The following GRB14 variants were observed in gnomAD, a reference collection of about 807,000 sequenced individuals.
GRB14 encodes growth factor receptor bound protein 14, also known as growth factor receptor-bound protein 14.
Under a neutral mutation model 69.1 loss-of-function variants are expected in GRB14, and 38 were observed. That is an observed-to-expected ratio of 0.55 (90% CI 0.42 to 0.72). The LOEUF (loss-of-function observed/expected upper bound fraction) is 0.72. Ranked by LOEUF, GRB14 falls within the 30% of genes least tolerant of loss-of-function variation. GRB14 has a pLI of 0.00. For missense variants in GRB14, 666 were observed against 666.1 expected, an observed-to-expected ratio of 1.00 and a Z score of 0.00; for synonymous variants, 247 against 241.3, an observed-to-expected ratio of 1.02 and a Z score of -0.22.
intron 8 of GRB14, among the ~76,000 whole-genome samples, chr2:164,504,979 G>C (rs1174443567): frequency 6.6e-6 from 1 of 152,184 alleles, no homozygotes; most frequent in African/African-American, 2.4e-5. Context: ...CAGACAAGAC[G>C]TCTGGGTGGA....
At chr2:164,551,405 T>C (rs1026171577) in intron 2 of GRB14, among the ~76,000 whole-genome samples, 2 of 152,170 alleles carry the variant, frequency 1.3e-5, no homozygotes, top group African/African-American at 4.8e-5. Flanking sequence ...TAAGTCATAA[T>C]GCAATAGACT....
rs569448161 is a variant in GRB14 at position 164,617,484 on chromosome 2, C to T, written c.324+2203G>A. 1.1e-3 allele frequency among the ~76,000 whole-genome samples: 167 copies of T among 152,160 alleles called. 3 individuals carry two copies. Among genetic ancestry groups the T allele is most frequent in the African/African-American group, 3.8e-3 (158 of 41,496 alleles). On this transcript the variant is annotated intron_variant, in intron 2 of 13. Coordinates refer to ENST00000263915, the MANE Select transcript of GRB14 (RefSeq NM_004490.3). ...GAGGAAATGTCATCAATCTCTAAGA[C>T]GTCTTACTCTAGTCTGATGACTATC...
chr2:164,528,125 T>G (rs1417920226), intron 3 of GRB14, among the ~76,000 whole-genome samples: 2 of 152,006 alleles, frequency 1.3e-5, no homozygotes, highest in African/African-American at 4.8e-5. Context: ...GCAAAATTAA[T>G]CTACAGTGCT....
intron 4 of GRB14, 40 bp downstream of exon 4, chr2:164,526,974 T>A: frequency 6.9e-7 from 1 of 1,445,574 alleles, no homozygotes; most frequent in East Asian, 2.7e-5. Context: ...TTTAACGGGT[T>A]CATTTATTTT....
chr2:164,512,511 T>A (rs1389585342), intron 6 of GRB14, among the ~76,000 whole-genome samples: 1 of 152,160 alleles, frequency 6.6e-6, no homozygotes, highest in Non-Finnish European at 1.5e-5. Context: ...CCAGATGGCA[T>A]CTCTAGACCA....
At chr2:164,550,054 C>T (rs1688496462) in intron 2 of GRB14, among the ~76,000 whole-genome samples, 1 of 151,994 alleles carries the variant, frequency 6.6e-6, no homozygotes, top group South Asian at 2.1e-4. Context: ...AAGATTTCTC[C>T]ATCTCAGGTA....
chr2:164,498,641 G>T (rs997666239), intron 9 of GRB14, among the ~76,000 whole-genome samples: 8 of 152,144 alleles, frequency 5.3e-5, no homozygotes, highest in African/African-American at 1.9e-4. Context: ...CTACTAGCCA[G>T]CCTGCATCTG....
At chr2:164,560,940 T>C (rs1273830447) in intron 2 of GRB14, among the ~76,000 whole-genome samples, 1 of 152,182 alleles carries the variant, frequency 6.6e-6, no homozygotes, top group African/African-American at 2.4e-5. Context: ...TCTAGGGGTT[T>C]AGAATCTGAA....
At position 164,492,892 on chromosome 2, in the gene GRB14, T is replaced by C; in HGVS notation, c.*144A>G. ...AAGTCAATCCAAGTCTTTGCTTATT[T>C]GCAATGCACAAACTATTTTTTTGTA... On this transcript the variant is annotated 3_prime_UTR_variant, in exon 14 of 14. Transcript: ENST00000263915. The C allele has an allele frequency of 1.6e-6, 1 of 620,864 alleles. No individual in the cohort carries two copies. The allele number at this position is 620,864 out of a possible 1,614,324, so 38.5% of individuals were successfully genotyped here. A position where few individuals can be genotyped will look rare whatever the true frequency, so the allele number is the denominator to read the frequency against.
At chr2:164,612,913 A>G (rs939610929) in intron 2 of GRB14, among the ~76,000 whole-genome samples, 2 of 152,228 alleles carry the variant, frequency 1.3e-5, no homozygotes, top group African/African-American at 4.8e-5. Flanking sequence ...AACCTTGACA[A>G]ATAGAAGATC....
chr2:164,611,852 A>C (rs4667763), intron 2 of GRB14, among the ~76,000 whole-genome samples: 117,290 of 151,996 alleles, frequency 0.77, 45,902 homozygotes, highest in Admixed American at 0.82. Context: ...CTATATGGGA[A>C]TACCTGAACA....
chr2:164,600,389 T>C (rs979199736), intron 2 of GRB14, among the ~76,000 whole-genome samples: 3 of 152,190 alleles, frequency 2.0e-5, no homozygotes. Flanking sequence ...ACTTCACATA[T>C]ATAAAGCATG....
chr2:164,507,023 G>A (rs1017143220), intron 8 of GRB14, among the ~76,000 whole-genome samples: 1 of 152,128 alleles, frequency 6.6e-6, no homozygotes, highest in African/African-American at 2.4e-5. Context: ...AAATGTCTTG[G>A]AACTGAATGC....
intron 6 of GRB14, among the ~76,000 whole-genome samples, chr2:164,511,332 G>A (rs996577914): frequency 1.5e-4 from 23 of 152,230 alleles, no homozygotes; most frequent in African/African-American, 4.6e-4. Flanking sequence ...AGCACAGCTC[G>A]TGGCTCCAAA....
At chr2:164,569,715 G>A (rs1574319371) in intron 2 of GRB14, among the ~76,000 whole-genome samples, 1 of 152,162 alleles carries the variant, frequency 6.6e-6, no homozygotes, top group Non-Finnish European at 1.5e-5. Context: ...AAGGATCCCT[G>A]CTTTGAATTT....
At chr2:164,516,053 A>G (rs547091769) in intron 6 of GRB14, among the ~76,000 whole-genome samples, 2 of 152,002 alleles carry the variant, frequency 1.3e-5, no homozygotes, top group South Asian at 2.1e-4. Flanking sequence ...AAAGCCTCCA[A>G]GAAGTTTCGG....
intron 2 of GRB14, among the ~76,000 whole-genome samples, chr2:164,581,630 T>C (rs1574330446): frequency 6.6e-6 from 1 of 152,310 alleles, no homozygotes; most frequent in Admixed American, 6.5e-5. Context: ...CCCAGTGAAC[T>C]GACTTCAAAT....
intron 2 of GRB14, among the ~76,000 whole-genome samples, chr2:164,593,334 A>C (rs148261142): frequency 1.3e-5 from 2 of 152,294 alleles, no homozygotes; most frequent in Non-Finnish European, 2.9e-5. Context: ...AAATCAAGTA[A>C]ATAAATGAAT....
At position 164,506,853 on chromosome 2, in the gene GRB14, T is replaced by G. The variant is rs547592934; in HGVS notation, c.1023+1602A>C. 5.2e-4 allele frequency among the ~76,000 whole-genome samples: 79 copies of G among 152,212 alleles called. 1 individual carries two copies. Among genetic ancestry groups the G allele is most frequent in the African/African-American group, 1.9e-3 (77 of 41,550 alleles). On this transcript the variant is annotated intron_variant, in intron 8 of 13. Coordinates refer to ENST00000263915, the MANE Select transcript of GRB14 (RefSeq NM_004490.3). Reference sequence around the variant, plus strand: ...AATGTTGGTGAACCACAAAACACTATGCTAAGTAAAAGTCAGAAACAAAAG... The same window carrying G: ...AATGTTGGTGAACCACAAAACACTAGGCTAAGTAAAAGTCAGAAACAAAAG...
Sources: allele counts gnomAD v4.1 joint callset (sites outside exome capture counted in the v4.1 genomes callset), GRCh38; gene constraint gnomAD v4.1.1; transcripts MANE v1.5; gene names NCBI Gene and HGNC (gene_info 2026-07-23, HGNC 2026-07-21).